GREB1L: variants seen among roughly 807,000 people sequenced by gnomAD.
GREB1L encodes the protein GREB1 like retinoic acid receptor coactivator, also known as GREB1-like protein.
A neutral mutation model predicts 200.8 loss-of-function variants in GREB1L; 17 were observed. The observed-to-expected ratio is 0.08, with a 90% CI of 0.06 to 0.13. The LOEUF (loss-of-function observed/expected upper bound fraction) is 0.13, where lower values mean the gene tolerates loss of function less well. Ranked by LOEUF, GREB1L falls within the 10% of genes least tolerant of loss-of-function variation. The pLI is 1.00. For missense variants in GREB1L, 1,657 were observed against 2,367.7 expected, an observed-to-expected ratio of 0.70 and a Z score of 6.23; for synonymous variants, 789 against 893.0, an observed-to-expected ratio of 0.88 and a Z score of 2.08.
chr18:21,520,804 G>A lies in GREB1L; in HGVS notation c.5589G>A (p.Lys1863=). The A allele has an allele frequency of 2.7e-6, 3 of 1,123,580 alleles. No homozygotes were observed. Among genetic ancestry groups the A allele is most frequent in the Non-Finnish European group, 3.6e-6 (3 of 844,406 alleles). 69.6% of individuals were successfully genotyped at this position (1,123,580 alleles called of 1,614,324 possible). The change falls in exon 32 of 33, where the codon AAG becomes AAA. Residue 1863 remains lysine, a synonymous_variant. Transcript: ENST00000424526. ...LCDSFVGADL[K]KFKFLKGATL... ...ACTCTTTTGTAGGTGCTGATCTTAA[G>A]AAATTTAAATTTCTAAAAGGTAAGT...
At chr18:21,342,431 A>G (rs1169226469) in intron 1 of GREB1L, among the ~76,000 whole-genome samples, 1 of 152,120 alleles carries the variant, frequency 6.6e-6, no homozygotes, top group African/African-American at 2.4e-5. Flanking sequence ...AATGAAGACA[A>G]TTTCTTAATG....
chr18:21,402,187 T>TA (rs2041343238), intron 6 of GREB1L, among the ~76,000 whole-genome samples: 1 of 152,192 alleles, frequency 6.6e-6, no homozygotes, highest in Admixed American at 6.5e-5. Flanking sequence ...GAATTATAGA[T>TA]AAGTGTTTAT....
chr18:21,494,416 T>C (rs945476056), intron 19 of GREB1L, among the ~76,000 whole-genome samples: 1 of 152,038 alleles, frequency 6.6e-6, no homozygotes, highest in African/African-American at 2.4e-5. Flanking sequence ...CTTTTCTTTA[T>C]TGAGCCTTTT....
chr18:21,437,107 A>G (rs1261462487), intron 7 of GREB1L, among the ~76,000 whole-genome samples: 2 of 152,048 alleles, frequency 1.3e-5, no homozygotes, highest in African/African-American at 4.8e-5. Context: ...TTCTTTCTTA[A>G]TTGTAGAGAC....
At chr18:21,329,724 A>G (rs2039078715) in intron 1 of GREB1L, among the ~76,000 whole-genome samples, 1 of 152,036 alleles carries the variant, frequency 6.6e-6, no homozygotes, top group South Asian at 2.1e-4. Flanking sequence ...AACAATGAGG[A>G]TTGGTCCCCC....
At chr18:21,417,973 TC>T (rs2031800071) in intron 7 of GREB1L, among the ~76,000 whole-genome samples, 1 of 139,304 alleles carries the variant, frequency 7.2e-6, no homozygotes. Context: ...AGAGCGAGAC[TC>T]CATCTCAAAA....
intron 1 of GREB1L, among the ~76,000 whole-genome samples, chr18:21,302,273 A>G (rs1469588576): frequency 6.6e-6 from 1 of 152,242 alleles, no homozygotes; most frequent in Non-Finnish European, 1.5e-5. Context: ...AAGTAGTAGT[A>G]TGCTTTTTTG....
At chr18:21,326,166 TA>T (rs1362784632) in intron 1 of GREB1L, among the ~76,000 whole-genome samples, 1 of 152,098 alleles carries the variant, frequency 6.6e-6, no homozygotes, top group Non-Finnish European at 1.5e-5. Context: ...CATATGAAAA[TA>T]TCATAAATTG....
At chr18:21,279,996 G>A (rs1467719704) in intron 1 of GREB1L, among the ~76,000 whole-genome samples, 1 of 152,116 alleles carries the variant, frequency 6.6e-6, no homozygotes, top group Non-Finnish European at 1.5e-5. Flanking sequence ...TTGCATTACT[G>A]TAGTATATTT....
intron 7 of GREB1L, among the ~76,000 whole-genome samples, chr18:21,425,790 A>G (rs2032521634): frequency 6.6e-6 from 1 of 151,932 alleles, no homozygotes; most frequent in Admixed American, 6.6e-5. Flanking sequence ...TACAAGTCCT[A>G]TATCATATAC....
chr18:21,388,051 ACTTATT>A (rs909995263), intron 4 of GREB1L, among the ~76,000 whole-genome samples: 4 of 152,216 alleles, frequency 2.6e-5, no homozygotes, highest in African/African-American at 4.8e-5. Flanking sequence ...TGGCAGGCGA[ACTTATT>A]CTTAGAATAA....
intron 9 of GREB1L, among the ~76,000 whole-genome samples, chr18:21,440,711 G>A (rs937195777): frequency 1.9e-4 from 29 of 152,108 alleles, no homozygotes; most frequent in Admixed American, 6.6e-5. Flanking sequence ...CTGTTATCTG[G>A]TTCTTTATGT....
At position 21,508,144 on chromosome 18, in the gene GREB1L, C is replaced by T. The variant is rs1469752687; in HGVS notation, c.4395C>T (p.Phe1465=). The change falls in exon 26 of 33, where the codon TTC becomes TTT. Residue 1465 remains phenylalanine (F), a synonymous_variant. Coordinates refer to ENST00000424526, the MANE Select transcript of GREB1L (RefSeq NM_001142966.3). ...SQMSDSTLHA[F]TFSSSMLGEE... ...TGTCTGACTCCACCCTTCATGCCTT[C>T]ACATTCTCTTCTTCTATGCTGGGAG... 1 of 1,551,634 alleles carries T rather than the reference C, an allele frequency of 6.4e-7. No individual in the cohort carries two copies. The highest frequency in any genetic ancestry group is 1.2e-5 in the South Asian group (1 of 84,060).
intron 7 of GREB1L, among the ~76,000 whole-genome samples, chr18:21,410,046 G>T (rs2030771274): frequency 6.6e-6 from 1 of 152,084 alleles, no homozygotes; most frequent in Admixed American, 6.6e-5. Flanking sequence ...AGCATTTGGG[G>T]ATTATTAATT....
At chr18:21,291,438 C>T (rs1404637228) in intron 1 of GREB1L, among the ~76,000 whole-genome samples, 3 of 152,202 alleles carry the variant, frequency 2.0e-5, no homozygotes, top group Non-Finnish European at 4.4e-5. Flanking sequence ...GTTGAGCTCA[C>T]GTGTCTGCTT....
At chr18:21,407,035 C>T (rs1300477829) in intron 7 of GREB1L, among the ~76,000 whole-genome samples, 4 of 151,968 alleles carry the variant, frequency 2.6e-5, no homozygotes, top group Admixed American at 6.6e-5. Context: ...CCACCACGCC[C>T]GGCTGATTTT....
intron 1 of GREB1L, among the ~76,000 whole-genome samples, chr18:21,322,796 CT>C (rs2038969981): frequency 6.6e-6 from 1 of 152,058 alleles, no homozygotes; most frequent in South Asian, 2.1e-4. Context: ...AGTAAACAGA[CT>C]TAAGTTAATT....
rs141022900 is a variant in GREB1L, at chr18:21,305,256, G to A, written c.-119-60771G>A. Among the ~76,000 whole-genome samples the A allele has an allele frequency of 5.3e-5, 8 of 152,204 alleles. No homozygotes were observed. In the East Asian group the frequency reaches 1.2e-3, roughly 22 times the overall value. On this transcript the variant is annotated intron_variant, in intron 1 of 32. Transcript: ENST00000424526. The stretch of plus-strand genomic sequence containing the variant: ...CTCAAAGTGCTGGGATTACAGATGT[G>A]ACCCACTGTACCCGGCCCCTATGTT...
rs1278523836 is a variant in GREB1L, at chr18:21,486,082, C to T, written c.2690+329C>T. ...TTCAAGACCCGCTTCTGGCTGGGCG[C>T]GGTGGCCCACGCCTGTAATCCCAGC... On this transcript the variant is annotated intron_variant, in intron 18 of 32. Coordinates refer to ENST00000424526, the MANE Select transcript of GREB1L (RefSeq NM_001142966.3). 3.9e-5 allele frequency among the ~76,000 whole-genome samples: 6 copies of T among 152,284 alleles called. No individual in the cohort carries two copies. The East Asian group carries it at 5.8e-4, about 15-fold the overall frequency.
Sources: gnomAD v4.1 joint callset for allele counts (sites outside exome capture counted in the v4.1 genomes callset) on GRCh38, gnomAD v4.1.1 for gene constraint, MANE v1.5 for transcripts, NCBI Gene and HGNC (gene_info 2026-07-23, HGNC 2026-07-21) for gene names.